Variants in SLC39A12 observed in about 807,000 individuals in gnomAD.
The protein encoded by SLC39A12 is zinc transporter ZIP12.
SLC39A12 carries 63 observed loss-of-function variants against 71.1 expected under a neutral mutation model. The observed-to-expected ratio is 0.89, with a 90% confidence interval of 0.72 to 1.09. The LOEUF (loss-of-function observed/expected upper bound fraction) is 1.09. Among genes scored for constraint, SLC39A12 ranks in the 50% least tolerant of loss-of-function variants. SLC39A12 has a pLI of 0.00. For synonymous variants in SLC39A12, 351 were observed against 301.3 expected (o/e 1.16, Z -1.71); for missense variants, 892 against 812.6 (o/e 1.10, Z -1.19).
intron 12 of SLC39A12, among the ~76,000 whole-genome samples, chr10:18,030,116 T>A (rs971150938): frequency 4.6e-5 from 7 of 151,918 alleles, no homozygotes; most frequent in East Asian, 1.9e-4. Flanking sequence ...CTCACCGAAT[T>A]GATTTACATG....
At chr10:18,011,577 A>G (rs1334057650) in intron 12 of SLC39A12, among the ~76,000 whole-genome samples, 1 of 152,212 alleles carries the variant, frequency 6.6e-6, no homozygotes, top group Admixed American at 6.5e-5. Flanking sequence ...TCAACTGTGC[A>G]GGGATCAGCA....
At chr10:17,977,785 C>G in intron 4 of SLC39A12, 117 bp from the exon 5 acceptor site, 1 of 784,380 alleles carries the variant, frequency 1.3e-6, no homozygotes, top group Non-Finnish European at 1.9e-6. Context: ...ATCTCTAGGG[C>G]TTAAAAAATG....
At chr10:17,995,762 A>T (rs779903913) in intron 10 of SLC39A12, 40 bp downstream of exon 10, 2 of 1,540,556 alleles carry the variant, frequency 1.3e-6, no homozygotes, top group Non-Finnish European at 1.8e-6. Flanking sequence ...AAAGTGCCAT[A>T]GAAAAACAGT....
Position 17,993,373 on chromosome 10 carries a change from G to A in SLC39A12, c.1533+82G>A, listed in dbSNP as rs1038093366. The A allele has an allele frequency of 8.2e-6, 8 of 977,166 alleles. No individual in the cohort carries two copies. In the African/African-American group the frequency reaches 1.3e-4, roughly 16 times the overall value. 60.5% of individuals were successfully genotyped at this position (977,166 alleles called of 1,614,324 possible). A position where few individuals can be genotyped will look rare whatever the true frequency, so the allele number is the denominator to read the frequency against. On this transcript the variant is annotated intron_variant, in intron 9 of 12. Coordinates refer to ENST00000377369, the MANE Select transcript of SLC39A12 (RefSeq NM_001145195.2). ...TCAATGAACAAATGAAAATCAGTAGGGTAGATAAACAGATTTCATACTCCT... is the reference window on the plus strand; with the variant it reads ...TCAATGAACAAATGAAAATCAGTAGAGTAGATAAACAGATTTCATACTCCT...
intron 4 of SLC39A12, among the ~76,000 whole-genome samples, chr10:17,969,328 T>C (rs1831392274): frequency 6.6e-6 from 1 of 152,194 alleles, no homozygotes; most frequent in African/African-American, 2.4e-5. Flanking sequence ...GTTGGTCATA[T>C]GGTAGCTCAA....
Position 17,995,351 on chromosome 10 carries a change from A to G in SLC39A12, c.1534-305A>G, listed in dbSNP as rs144167353. On this transcript the variant is annotated intron_variant, in intron 9 of 12. Transcript: ENST00000377369. ...TTTTTTTCGATAGCTTTTGAATTTCATAAAGGCTTACATAATTTACGAGTC... is the reference window on the plus strand; with the variant it reads ...TTTTTTTCGATAGCTTTTGAATTTCGTAAAGGCTTACATAATTTACGAGTC... 2.7e-3 allele frequency among the ~76,000 whole-genome samples: 415 copies of G among 152,348 alleles called. 2 individuals are homozygous for G. Among genetic ancestry groups the G allele is most frequent in the African/African-American group, 9.4e-3 (392 of 41,594 alleles).
chr10:17,988,768 G>A (rs980056426), intron 7 of SLC39A12, among the ~76,000 whole-genome samples: 1 of 152,194 alleles, frequency 6.6e-6, no homozygotes, highest in African/African-American at 2.4e-5. Context: ...CGCTCTAGAA[G>A]TGGCTGATTT....
At chr10:17,963,589 T>G (rs1219097816) in intron 3 of SLC39A12, among the ~76,000 whole-genome samples, 2 of 152,222 alleles carry the variant, frequency 1.3e-5, no homozygotes, top group Non-Finnish European at 2.9e-5. Context: ...ATGACACCAC[T>G]GTCTCTAGTT....
At chr10:17,981,601 T>A (rs1835261943) in intron 6 of SLC39A12, 118 bp downstream of exon 6, 1 of 774,400 alleles carries the variant, frequency 1.3e-6, no homozygotes, top group South Asian at 2.8e-5. Flanking sequence ...ATTTATCAGC[T>A]CATTTAATCC....
chr10:18,036,008 C>G (rs1336678100), intron 12 of SLC39A12, among the ~76,000 whole-genome samples: 2 of 152,178 alleles, frequency 1.3e-5, no homozygotes, highest in Admixed American at 6.5e-5. Flanking sequence ...TGCCGGTTCT[C>G]AGATCTCCAG....
At chr10:17,975,397 C>T (rs74118066) in intron 4 of SLC39A12, among the ~76,000 whole-genome samples, 3,503 of 152,260 alleles carry the variant, frequency 0.023, 121 homozygotes, top group African/African-American at 0.076. Flanking sequence ...AAGTCCTGCC[C>T]GGACTGGGTC....
At chr10:18,031,116 A>G (rs1354491526) in intron 12 of SLC39A12, among the ~76,000 whole-genome samples, 1 of 146,084 alleles carries the variant, frequency 6.8e-6, no homozygotes, top group Non-Finnish European at 1.5e-5. Flanking sequence ...ATACGTGTGC[A>G]TGTGTCTTTA....
At chr10:18,041,203 G>A (rs937433558) in intron 12 of SLC39A12, among the ~76,000 whole-genome samples, 3 of 152,048 alleles carry the variant, frequency 2.0e-5, no homozygotes, top group African/African-American at 4.8e-5. Flanking sequence ...ACACAGATGC[G>A]TGAGTGAACC....
At chr10:17,967,748 G>A (rs1465870328) in intron 4 of SLC39A12, among the ~76,000 whole-genome samples, 4 of 151,546 alleles carry the variant, frequency 2.6e-5, no homozygotes, top group East Asian at 1.9e-4. Flanking sequence ...TAAGCCAGGC[G>A]TGATGGCGGG....
chr10:17,989,684 C>T (rs918203945), intron 7 of SLC39A12, among the ~76,000 whole-genome samples: 6 of 152,010 alleles, frequency 3.9e-5, no homozygotes, highest in Non-Finnish European at 7.4e-5. Flanking sequence ...TTTGGGAGGG[C>T]AAGACAGGCG....
At chr10:17,989,725 C>T (rs182213343) in intron 7 of SLC39A12, among the ~76,000 whole-genome samples, 189 of 152,204 alleles carry the variant, frequency 1.2e-3, no homozygotes, top group African/African-American at 4.4e-3. Context: ...TTGAGACCAG[C>T]CTGGCCAACA....
chr10:18,005,046 C>T (rs753406373), intron 12 of SLC39A12, among the ~76,000 whole-genome samples: 63 of 119,480 alleles, frequency 5.3e-4, no homozygotes, highest in South Asian at 1.2e-3. Context: ...GACATAGGGA[C>T]GGGAACAACA....
At chr10:17,977,637 A>G (rs948742198) in intron 4 of SLC39A12, among the ~76,000 whole-genome samples, 10 of 152,212 alleles carry the variant, frequency 6.6e-5, no homozygotes, top group East Asian at 1.9e-4. Context: ...TAATTAATCT[A>G]TGATGGATGT....
intron 6 of SLC39A12, among the ~76,000 whole-genome samples, chr10:17,982,869 A>T (rs1030267323): frequency 3.3e-5 from 5 of 150,970 alleles, no homozygotes; most frequent in African/African-American, 1.2e-4. Context: ...TTCCTGGGAA[A>T]CCTCCCAACA....
Sources: gnomAD v4.1 joint callset for allele counts (sites outside exome capture counted in the v4.1 genomes callset) on GRCh38, gnomAD v4.1.1 for gene constraint, MANE v1.5 for transcripts, NCBI Gene and HGNC (gene_info 2026-07-23, HGNC 2026-07-21) for gene names.